ABCD3: variants seen among roughly 807,000 people sequenced by gnomAD.
ABCD3 encodes ATP binding cassette subfamily D member 3, also known as ATP-binding cassette sub-family D member 3.
In ABCD3, 41 loss-of-function variants were observed where a neutral mutation model predicts 105.5. The observed-to-expected ratio is 0.39, with a 90% confidence interval of 0.30 to 0.50. The LOEUF is 0.50. Among genes scored for constraint, ABCD3 ranks in the 20% least tolerant of loss-of-function variants. The pLI, the probability that ABCD3 is intolerant of heterozygous loss-of-function variation, is 0.84. For missense variants in ABCD3, 622 were observed against 806.3 expected (o/e 0.77, Z 2.77); for synonymous variants, 258 against 269.0 (o/e 0.96, Z 0.40).
At chr1:94,491,359 A>C in intron 16 of ABCD3, 112 bp downstream of exon 16, 1 of 786,522 alleles carries the variant, frequency 1.3e-6, no homozygotes, top group Non-Finnish European at 2.1e-6. Context: ...CTCTGAATCC[A>C]CAGAATTGCT....
At chr1:94,480,377 AT>A in intron 8 of ABCD3, 86 bp from the exon 9 acceptor site, 1 of 1,531,256 alleles carries the variant, frequency 6.5e-7, no homozygotes, top group Non-Finnish European at 9.0e-7. Context: ...ATTGAGGTTA[AT>A]TATAAAAATT....
rs1175785052 is a variant in ABCD3 at position 94,429,217 on chromosome 1, T to G, written c.110+10629T>G. On this transcript the variant is annotated intron_variant, in intron 1 of 22. Transcript: ENST00000370214. ...AAGAAATTTCTAAGCAGCAAAGAAT[T>G]CAAGAGGTGGCTTGGGTGCTGTTAA... Among the ~76,000 whole-genome samples the G allele has an allele frequency of 5.9e-5, 9 of 152,166 alleles. No homozygotes were observed. In the East Asian group the frequency reaches 1.7e-3, roughly 29 times the overall value.
intron 1 of ABCD3, among the ~76,000 whole-genome samples, chr1:94,434,725 A>G (rs1345221319): frequency 6.6e-6 from 1 of 152,250 alleles, no homozygotes; most frequent in Non-Finnish European, 1.5e-5. Context: ...AGAAAACTGC[A>G]TAAATACATA....
chr1:94,461,752 A>G (rs1647883109), intron 2 of ABCD3, among the ~76,000 whole-genome samples: 3 of 152,148 alleles, frequency 2.0e-5, no homozygotes. Context: ...TTATGGTATT[A>G]TAAACGAGTA....
chr1:94,440,455 C>T (rs1349820341), intron 1 of ABCD3, among the ~76,000 whole-genome samples: 1 of 152,166 alleles, frequency 6.6e-6, no homozygotes, highest in East Asian at 1.9e-4. Flanking sequence ...GGAGCTTTAA[C>T]TGGTTAATTT....
At position 94,487,599 on chromosome 1, in the gene ABCD3, A is replaced by C. The variant is rs773962577; in HGVS notation, c.955A>C (p.Ile319Leu). ...GTTTTCAATGGGCTTCATTGATAGTATTATTGCCAAATGTAAGTATATTTT... is the reference window on the plus strand; with the variant it reads ...GTTTTCAATGGGCTTCATTGATAGTCTTATTGCCAAATGTAAGTATATTTT... ...FRFSMGFIDSIIAKYLATVVG... is the reference protein window; with the variant it reads ...FRFSMGFIDSLIAKYLATVVG... The change falls in exon 11 of 23, where the codon ATT becomes CTT. Residue 319 changes from isoleucine to leucine, a missense_variant. Transcript: ENST00000370214. The C allele has an allele frequency of 2.5e-6, 4 of 1,613,498 alleles. No individual in the cohort carries two copies. The African/African-American group carries it at 5.3e-5, about 22-fold the overall frequency.
At chr1:94,469,143 CT>C (rs913212155) in intron 4 of ABCD3, among the ~76,000 whole-genome samples, 4 of 152,118 alleles carry the variant, frequency 2.6e-5, no homozygotes, top group Admixed American at 1.3e-4. Context: ...TGGAGCCGGT[CT>C]TTTTTCCTAT....
At chr1:94,414,544 A>G (rs1453513109), upstream of ABCD3, among the ~76,000 whole-genome samples, 1 of 151,936 alleles carries the variant, frequency 6.6e-6, no homozygotes, top group Non-Finnish European at 1.5e-5. Context: ...ATCTTTCTTA[A>G]ATAAATCCTG....
chr1:94,429,594 A>G (rs1345541343), intron 1 of ABCD3, among the ~76,000 whole-genome samples: 3 of 152,292 alleles, frequency 2.0e-5, no homozygotes, highest in Non-Finnish European at 4.4e-5. Flanking sequence ...GGTATATCTC[A>G]GGCTGTGGCT....
chr1:94,411,173 T>A, the ABCD3 span, among the ~76,000 whole-genome samples: 1 of 152,170 alleles, frequency 6.6e-6, no homozygotes, highest in African/African-American at 2.4e-5. Context: ...TAAAGGACAC[T>A]ATTAAGACAG....
At chr1:94,500,217 C>T (rs571921595) in intron 20 of ABCD3, among the ~76,000 whole-genome samples, 50 of 152,092 alleles carry the variant, frequency 3.3e-4, no homozygotes, top group African/African-American at 1.1e-3. Context: ...CAAAAATATG[C>T]GCTAAACACT....
At chr1:94,438,354 G>C (rs903965587) in intron 1 of ABCD3, among the ~76,000 whole-genome samples, 1 of 137,986 alleles carries the variant, frequency 7.2e-6, no homozygotes, top group African/African-American at 2.6e-5. Context: ...AAACTTGAAA[G>C]GATGAAGAGT....
intron 16 of ABCD3, among the ~76,000 whole-genome samples, chr1:94,491,627 T>C (rs1414948829): frequency 6.6e-6 from 1 of 152,056 alleles, no homozygotes; most frequent in Non-Finnish European, 1.5e-5. Flanking sequence ...TTTGTACCTA[T>C]AAAAACAAAA....
At chr1:94,395,834 C>T in the ABCD3 span, among the ~76,000 whole-genome samples, 949 of 151,266 alleles carry the variant, frequency 6.3e-3, 9 homozygotes, top group African/African-American at 0.02. Context: ...TGTGTGCACG[C>T]GTGTGAGAGA....
At chr1:94,392,733 T>C in the ABCD3 span, among the ~76,000 whole-genome samples, 40 of 152,192 alleles carry the variant, frequency 2.6e-4, no homozygotes, top group African/African-American at 9.4e-4. Flanking sequence ...CAACTGTGCC[T>C]TCTGCTAAAA....
intron 21 of ABCD3, among the ~76,000 whole-genome samples, chr1:94,507,612 G>A (rs1369561800): frequency 6.6e-6 from 1 of 152,114 alleles, no homozygotes; most frequent in Middle Eastern, 3.2e-3. Context: ...CACCAACAGT[G>A]TAAAAGTGTT....
chr1:94,437,050 G>A lies in ABCD3; in HGVS notation c.110+18462G>A, dbSNP rs563648745. On this transcript the variant is annotated intron_variant, in intron 1 of 22. Transcript: ENST00000370214. ...AGGAAGCTGTAGAAGAAAAGTTTGA[G>A]ATTAGCAAAGGTTGGTTCATGAGGT... Among the ~76,000 whole-genome samples, 4 of 152,308 alleles carry A rather than the reference G, an allele frequency of 2.6e-5. No homozygotes were observed. The South Asian group carries it at 8.3e-4, about 32-fold the overall frequency.
chr1:94,474,875 T>C (rs1359142626), intron 5 of ABCD3, among the ~76,000 whole-genome samples: 1 of 152,084 alleles, frequency 6.6e-6, no homozygotes, highest in East Asian at 1.9e-4. Context: ...TTTGACTTTT[T>C]GCCCGTTTAC....
chr1:94,413,869 GATA>G (rs1459783413), upstream of ABCD3, among the ~76,000 whole-genome samples: 1 of 152,106 alleles, frequency 6.6e-6, no homozygotes, highest in African/African-American at 2.4e-5. Flanking sequence ...GTACAAAGAA[GATA>G]ATAATTAACT....
Sources: allele counts gnomAD v4.1 joint callset (sites outside exome capture counted in the v4.1 genomes callset), GRCh38; gene constraint gnomAD v4.1.1; transcripts MANE v1.5; gene names NCBI Gene and HGNC (gene_info 2026-07-23, HGNC 2026-07-21).